The following PARP4 variants were observed in gnomAD, a reference collection of about 807,000 sequenced individuals.
PARP4 encodes the protein poly(ADP-ribose) polymerase family member 4, also known as protein mono-ADP-ribosyltransferase PARP4.
A neutral mutation model predicts 187.7 loss-of-function variants in PARP4; 120 were observed. The observed-to-expected ratio is 0.64, with a 90% CI of 0.55 to 0.74. The LOEUF (loss-of-function observed/expected upper bound fraction) is 0.74, where lower values mean the gene tolerates loss of function less well. Ranked by LOEUF, PARP4 falls within the 30% of genes least tolerant of loss-of-function variation. The probability of loss-of-function intolerance (pLI) is 0.00; values close to 1 mark genes in which losing one functional copy is unlikely to be tolerated. For missense variants in PARP4, 1,836 were observed against 2,070.5 expected, an observed-to-expected ratio of 0.89 and a Z score of 2.20; for synonymous variants, 654 against 740.9, an observed-to-expected ratio of 0.88 and a Z score of 1.90.
chr13:24,481,818 C>T (rs1467037773), intron 12 of PARP4, among the ~76,000 whole-genome samples: 1 of 152,200 alleles, frequency 6.6e-6, no homozygotes, highest in Admixed American at 6.5e-5. Context: ...GCTATGGTTG[C>T]ATCTTACTGT....
chr13:24,479,623 G>A (rs1416694973), intron 12 of PARP4, among the ~76,000 whole-genome samples: 1 of 152,160 alleles, frequency 6.6e-6, no homozygotes, highest in Non-Finnish European at 1.5e-5. Flanking sequence ...AATCTGGTGG[G>A]GAGGTGGAGA....
At chr13:24,454,979 G>T in intron 22 of PARP4, 38 bp downstream of exon 22, 2 of 1,493,272 alleles carry the variant, frequency 1.3e-6, no homozygotes, top group South Asian at 2.6e-5. Context: ...TCACATGTAG[G>T]GGAAGCACAC....
At chr13:24,484,138 T>TTAAA (rs922983646) in intron 12 of PARP4, among the ~76,000 whole-genome samples, 2 of 152,140 alleles carry the variant, frequency 1.3e-5, no homozygotes, top group Non-Finnish European at 2.9e-5. Flanking sequence ...TTTCCTTGCA[T>TTAAA]TAAATGATGT....
At chr13:24,422,252 A>C (rs1869784295) in intron 33 of PARP4, among the ~76,000 whole-genome samples, 1 of 152,236 alleles carries the variant, frequency 6.6e-6, no homozygotes, top group Non-Finnish European at 1.5e-5. Flanking sequence ...CAAAGCTTAC[A>C]AACTTAACAT....
intron 14 of PARP4, among the ~76,000 whole-genome samples, chr13:24,476,831 G>A (rs1297624842): frequency 6.6e-6 from 1 of 152,116 alleles, no homozygotes; most frequent in Non-Finnish European, 1.5e-5. Context: ...GCTAACACAC[G>A]CACCACACAT....
intron 30 of PARP4, among the ~76,000 whole-genome samples, chr13:24,439,115 C>T (rs1870786094): frequency 6.6e-6 from 1 of 152,148 alleles, no homozygotes; most frequent in African/African-American, 2.4e-5. Context: ...TATCATCACA[C>T]TGTATTAAAA....
intron 30 of PARP4, among the ~76,000 whole-genome samples, chr13:24,440,653 G>A (rs1870877471): frequency 6.6e-6 from 1 of 152,104 alleles, no homozygotes; most frequent in Admixed American, 6.5e-5. Context: ...ATTAGGACTG[G>A]GGCACTGGGA....
intron 30 of PARP4, among the ~76,000 whole-genome samples, chr13:24,437,702 G>A (rs1204529440): frequency 2.6e-5 from 4 of 152,086 alleles, no homozygotes; most frequent in Non-Finnish European, 5.9e-5. Flanking sequence ...AATTGATTAA[G>A]TCAGGTATTG....
intron 17 of PARP4, among the ~76,000 whole-genome samples, chr13:24,465,882 C>T (rs759657447): frequency 1.9e-4 from 29 of 151,760 alleles, no homozygotes; most frequent in Admixed American, 6.6e-4. Flanking sequence ...AAAAAAGAAA[C>T]GAACGTATAC....
Position 24,469,925 on chromosome 13 carries a change from G to A in PARP4, c.2015C>T (p.Ala672Val), listed in dbSNP as rs1468838623. The A allele has an allele frequency of 6.2e-7, 1 of 1,613,720 alleles. No individual in the cohort carries two copies. Among genetic ancestry groups the A allele is most frequent in the Non-Finnish European group, 8.5e-7 (1 of 1,179,746 alleles). Residue 672 changes from alanine to valine, a missense_variant, in exon 16 of 34, where the codon GCC becomes GTC. Physicochemically the swap from Ala to Val is moderately conservative, Grantham distance 64 (BLOSUM62 0). Transcript: ENST00000381989. Reference sequence around the variant, plus strand: ...AACTATGTGCTTCCCATTGATGAAGGCTTCGAAGCCACACACAGCGGCCTT... The same window carrying A: ...AACTATGTGCTTCCCATTGATGAAGACTTCGAAGCCACACACAGCGGCCTT... ...DDKAAVCGFE[A>V]FINGKHIVGE...
At chr13:24,494,264 T>C (rs1209134701) in intron 7 of PARP4, among the ~76,000 whole-genome samples, 3 of 152,166 alleles carry the variant, frequency 2.0e-5, no homozygotes, top group East Asian at 3.9e-4. Context: ...GGCATGATCA[T>C]AGCTCACTGT....
At chr13:24,449,933 T>C in intron 24 of PARP4, 116 bp from the exon 25 acceptor site, 1 of 562,384 alleles carries the variant, frequency 1.8e-6, no homozygotes, top group East Asian at 3.1e-5. Flanking sequence ...TGGGGAAGAA[T>C]GTACTCGTGT....
chr13:24,434,833 C>G lies in PARP4; in HGVS notation c.4308G>C (p.Gln1436His), dbSNP rs775508610. 1.9e-6 allele frequency: 3 copies of G among 1,613,732 alleles called. No homozygotes were observed. Among genetic ancestry groups the G allele is most frequent in the Non-Finnish European group, 2.5e-6 (3 of 1,179,906 alleles). ...AGTFPELDSP[Q>H]LHFSLPTDPD... is the part of the protein sequence containing the mutation. ...GGTCTGTAGGAAGAGAGAAATGAAG[C>G]TGGGGAGAATCCAGCTCAGGGAAGG... is the stretch of plus-strand genomic sequence containing the variant. Residue 1436 changes from glutamine (Q) to histidine (H), a missense_variant, in exon 31 of 34, where the codon CAG (glutamine) becomes CAC (histidine). Coordinates refer to ENST00000381989, the MANE Select transcript of PARP4 (RefSeq NM_006437.4).
chr13:24,428,189 G>A (rs1870156982), intron 32 of PARP4, among the ~76,000 whole-genome samples: 1 of 152,208 alleles, frequency 6.6e-6, no homozygotes, highest in Non-Finnish European at 1.5e-5. Context: ...CACAGGAAAA[G>A]CCCATGGATA....
chr13:24,464,542 T>C (rs932913584), intron 17 of PARP4, among the ~76,000 whole-genome samples: 1 of 152,144 alleles, frequency 6.6e-6, no homozygotes, highest in Non-Finnish European at 1.5e-5. Flanking sequence ...AAACAAGCAA[T>C]GGGGAAAAGA....
chr13:24,460,096 G>A lies in PARP4; in HGVS notation c.2174C>T (p.Ala725Val). ...GTAGGTAATTTTTATAAGAACCTTA[G>A]CCTTAGGGGGTAAGTTTCCAACACT... The part of the protein sequence containing the change: ...TVSVGNLPPK[A>V]KVLIKITYIT... Residue 725 changes from alanine (A) to valine (V), a missense_variant, in exon 18 of 34, where the codon GCT (alanine) becomes GTT (valine). By Grantham distance (64) the Ala-to-Val change is moderately conservative. This residue lies in a region of PARP4 where 1,147 missense variants were observed against 1,214.2 expected (regional missense o/e 0.94). Transcript: ENST00000381989. 6.2e-7 allele frequency: 1 copy of A among 1,613,766 alleles called. No homozygotes were observed. Among genetic ancestry groups the A allele is most frequent in the Non-Finnish European group, 8.5e-7 (1 of 1,179,772 alleles).
rs183805367 is a variant in PARP4, at chr13:24,424,984, G to A, written c.4979+1482C>T. ...AGGCGTGAGCCACCGCGCCCGGCCA[G>A]TACTATGTTTTAAATTCACCTTAAA... On this transcript the variant is annotated intron_variant, in intron 33 of 33. Transcript: ENST00000381989. 1.9e-3 allele frequency among the ~76,000 whole-genome samples: 283 copies of A among 151,556 alleles called. 2 individuals are homozygous for A. Among genetic ancestry groups the A allele is most frequent in the African/African-American group, 6.5e-3 (267 of 41,074 alleles).
At chr13:24,447,436 C>A (rs143194216) in intron 25 of PARP4, among the ~76,000 whole-genome samples, 24,794 of 152,270 alleles carry the variant, frequency 0.16, 2,687 homozygotes, top group East Asian at 0.36. Flanking sequence ...TCTTGGCTGA[C>A]TGCAACCTCC....
intron 24 of PARP4, chr13:24,452,194 G>A (rs1384169827): frequency 2.1e-6 from 1 of 486,660 alleles, no homozygotes; most frequent in Non-Finnish European, 3.6e-6. Flanking sequence ...GAGAGGTTAA[G>A]GAACTTGCTC....
Sources: gnomAD v4.1 joint callset for allele counts (sites outside exome capture counted in the v4.1 genomes callset) on GRCh38, gnomAD v4.1.1 for gene constraint, gnomAD v4.1.1 regional missense constraint, MANE v1.5 for transcripts, NCBI Gene and HGNC (gene_info 2026-07-23, HGNC 2026-07-21) for gene names.